The following THSD7B variants were observed in gnomAD, a reference collection of about 807,000 sequenced individuals.
THSD7B encodes the protein thrombospondin type-1 domain-containing protein 7B.
In THSD7B, 138 loss-of-function variants were observed where a neutral mutation model predicts 213.6. That is an observed-to-expected ratio of 0.65 (90% CI 0.56 to 0.74). The LOEUF (loss-of-function observed/expected upper bound fraction) is 0.74, where lower values mean the gene tolerates loss of function less well. THSD7B is among the 30% of genes least tolerant of loss of function. The pLI, the probability that THSD7B is intolerant of heterozygous loss-of-function variation, is 0.00. For missense variants in THSD7B, 1,931 were observed against 1,991.5 expected, an observed-to-expected ratio of 0.97 and a Z score of 0.58; for synonymous variants, 742 against 687.0, an observed-to-expected ratio of 1.08 and a Z score of -1.25.
In THSD7B at chr2:137,567,906, A is replaced by G. The variant is rs184995583; in HGVS notation, c.3273-4500A>G. On this transcript the variant is annotated intron_variant, in intron 16 of 27. Transcript: ENST00000409968. ...GCTTATAAATTTAGTATTTATTGAG[A>G]AGAAATTGAGTCCTGGGGAACTCCA... 6.0e-4 allele frequency among the ~76,000 whole-genome samples: 91 copies of G among 152,278 alleles called. 1 individual carries two copies. The highest frequency in any genetic ancestry group is 2.2e-3 in the African/African-American group (91 of 41,554).
chr2:137,092,982 ATCTC>A (rs1217660376), intron 3 of THSD7B, among the ~76,000 whole-genome samples: 4 of 152,122 alleles, frequency 2.6e-5, no homozygotes, highest in Admixed American at 2.6e-4. Flanking sequence ...CATTACCAAA[ATCTC>A]TCTGTCAGTA....
chr2:137,344,297 A>T (rs547251878), intron 12 of THSD7B, among the ~76,000 whole-genome samples: 2 of 151,824 alleles, frequency 1.3e-5, no homozygotes, highest in African/African-American at 4.8e-5. Flanking sequence ...AATATTTCAG[A>T]TATTAAGCTC....
At chr2:137,354,827 A>T (rs1685093911) in intron 12 of THSD7B, among the ~76,000 whole-genome samples, 4 of 151,118 alleles carry the variant, frequency 2.6e-5, no homozygotes, top group African/African-American at 7.3e-5. Flanking sequence ...GTATCTGAGC[A>T]GCTGTTTTTT....
intron 15 of THSD7B, among the ~76,000 whole-genome samples, chr2:137,499,529 G>A (rs1352549854): frequency 6.6e-6 from 1 of 152,168 alleles, no homozygotes; most frequent in Non-Finnish European, 1.5e-5. Context: ...TGCTTTGGGT[G>A]ATCCATCTCA....
chr2:137,676,117 A>C (rs1245053987), intron 27 of THSD7B, among the ~76,000 whole-genome samples: 3 of 152,192 alleles, frequency 2.0e-5, no homozygotes. Flanking sequence ...TCCAGGTCAG[A>C]GCAGAAGTGT....
intron 27 of THSD7B, 85 bp from the exon 28 acceptor site, chr2:137,676,439 A>T (rs1231021603): frequency 4.0e-6 from 5 of 1,259,430 alleles, no homozygotes; most frequent in Middle Eastern, 3.7e-4. Context: ...TACCGCTTAA[A>T]TTTCTGTATC....
intron 15 of THSD7B, among the ~76,000 whole-genome samples, chr2:137,481,985 G>T (rs146041453): frequency 6.6e-6 from 1 of 152,160 alleles, no homozygotes; most frequent in Non-Finnish European, 1.5e-5. Flanking sequence ...AGACCATCCC[G>T]GCTAATACGG....
At chr2:137,419,965 A>T (rs1176874359) in intron 14 of THSD7B, among the ~76,000 whole-genome samples, 1 of 152,154 alleles carries the variant, frequency 6.6e-6, no homozygotes, top group Non-Finnish European at 1.5e-5. Context: ...TATACTCAGT[A>T]CTGGAATTGC....
intron 12 of THSD7B, among the ~76,000 whole-genome samples, chr2:137,352,146 AG>A (rs1204710928): frequency 6.6e-6 from 1 of 151,004 alleles, no homozygotes; most frequent in Non-Finnish European, 1.5e-5. Flanking sequence ...AGAAGGGGGC[AG>A]GGGTGAGGGG....
chr2:137,238,640 G>C (rs1287301781), intron 9 of THSD7B, among the ~76,000 whole-genome samples: 1 of 129,892 alleles, frequency 7.7e-6, no homozygotes, highest in Non-Finnish European at 1.6e-5. Flanking sequence ...TGCAAGCTCC[G>C]CTTCCCGGGT....
At chr2:137,436,557 C>T (rs1409042922) in intron 14 of THSD7B, among the ~76,000 whole-genome samples, 2 of 152,084 alleles carry the variant, frequency 1.3e-5, no homozygotes, top group Non-Finnish European at 2.9e-5. Context: ...TCTTTTGCAT[C>T]TATTTAGCAT....
intron 15 of THSD7B, among the ~76,000 whole-genome samples, chr2:137,528,008 C>T (rs927522741): frequency 2.6e-5 from 4 of 152,092 alleles, no homozygotes; most frequent in Admixed American, 2.0e-4. Flanking sequence ...TCCCCCTTTG[C>T]TTCAATCAGC....
intron 3 of THSD7B, among the ~76,000 whole-genome samples, chr2:137,067,852 A>G (rs1311922787): frequency 6.6e-6 from 1 of 152,072 alleles, no homozygotes; most frequent in African/African-American, 2.4e-5. Context: ...TGAAACATGA[A>G]GAAAATTTTT....
intron 7 of THSD7B, among the ~76,000 whole-genome samples, chr2:137,224,788 A>C (rs532652628): frequency 6.6e-6 from 1 of 151,852 alleles, no homozygotes; most frequent in South Asian, 2.1e-4. Context: ...TCTCCTGCTT[A>C]GCTACTCTTA....
chr2:137,412,626 A>T (rs986359284), intron 14 of THSD7B, among the ~76,000 whole-genome samples: 1 of 149,460 alleles, frequency 6.7e-6, no homozygotes, highest in Non-Finnish European at 1.5e-5. Flanking sequence ...AAAAACAAAA[A>T]ACAGTTTTAC....
At chr2:136,879,821 C>A (rs1366024304) in intron 1 of THSD7B, among the ~76,000 whole-genome samples, 1 of 152,024 alleles carries the variant, frequency 6.6e-6, no homozygotes, top group Non-Finnish European at 1.5e-5. Flanking sequence ...CAATCCTAGT[C>A]TCTGATAAAA....
chr2:137,437,524 A>G (rs1434448430), intron 14 of THSD7B, among the ~76,000 whole-genome samples: 2 of 152,144 alleles, frequency 1.3e-5, no homozygotes, highest in Non-Finnish European at 2.9e-5. Flanking sequence ...CCAGCTGTTG[A>G]GCATTGTGAA....
At chr2:137,368,965 G>A (rs1166488287) in intron 12 of THSD7B, among the ~76,000 whole-genome samples, 1 of 152,046 alleles carries the variant, frequency 6.6e-6, no homozygotes, top group Admixed American at 6.6e-5. Context: ...ACTTTTCTAA[G>A]TAGTCAGAGT....
At chr2:137,057,347 G>A in intron 3 of THSD7B, 117 bp downstream of exon 3, 2 of 1,072,446 alleles carry the variant, frequency 1.9e-6, no homozygotes, top group Non-Finnish European at 2.6e-6. Flanking sequence ...TATAATTTAG[G>A]TTTTTAGAAG....
Sources: allele counts gnomAD v4.1 joint callset (sites outside exome capture counted in the v4.1 genomes callset), GRCh38; gene constraint gnomAD v4.1.1; transcripts MANE v1.5; gene names NCBI Gene and HGNC (gene_info 2026-07-23, HGNC 2026-07-21).